ANKRD30B: variants seen among roughly 807,000 people sequenced by gnomAD.
ANKRD30B encodes ankyrin repeat domain-containing protein 30B.
In ANKRD30B, 144 loss-of-function variants were observed where a neutral mutation model predicts 202.2. That is an observed-to-expected ratio of 0.71 (90% CI 0.62 to 0.82). The LOEUF is 0.82. ANKRD30B is among the 40% of genes least tolerant of loss of function. ANKRD30B has a pLI of 0.00. For missense variants in ANKRD30B, 1,487 were observed against 1,669.1 expected, an observed-to-expected ratio of 0.89 and a Z score of 1.90; for synonymous variants, 508 against 561.3, an observed-to-expected ratio of 0.91 and a Z score of 1.34.
intron 36 of ANKRD30B, among the ~76,000 whole-genome samples, chr18:14,840,261 G>C (rs896652250): frequency 2.0e-5 from 3 of 152,154 alleles, no homozygotes; most frequent in African/African-American, 7.2e-5. Flanking sequence ...ATTGAGGCAG[G>C]CTGTGGTGGC....
intron 15 of ANKRD30B, among the ~76,000 whole-genome samples, chr18:14,790,881 G>T (rs575014590): frequency 6.6e-6 from 1 of 151,868 alleles, no homozygotes; most frequent in Non-Finnish European, 1.5e-5. Context: ...GCCTGGCTTT[G>T]GTATCAGGAT....
downstream of ANKRD30B, among the ~76,000 whole-genome samples, chr18:14,856,543 A>G (rs1598730068): frequency 9.1e-5 from 11 of 121,544 alleles, no homozygotes; most frequent in East Asian, 2.6e-4. Flanking sequence ...ATGGGCAGCC[A>G]GGCAGAGGCG....
In ANKRD30B at chr18:14,755,009, T is replaced by C. The variant is rs1201172374; in HGVS notation, c.617+4T>C. 6.9e-7 allele frequency: 1 copy of C among 1,444,232 alleles called. No individual in the cohort carries two copies. The highest frequency in any genetic ancestry group is 2.6e-5 in the East Asian group (1 of 38,434). 89.5% of individuals were successfully genotyped at this position (1,444,232 alleles called of 1,614,324 possible). A position where few individuals can be genotyped will look rare whatever the true frequency, so the allele number is the denominator to read the frequency against. On this transcript the variant is annotated splice_donor_region_variant and intron_variant, in intron 4 of 43. Transcript: ENST00000690538. Reference sequence around the variant, plus strand: ...ACGCATTTAATGAGTCTAAATGGTATGGTAGTTCTTTTTTTTTACTAAAAA... The same window carrying C: ...ACGCATTTAATGAGTCTAAATGGTACGGTAGTTCTTTTTTTTTACTAAAAA...
the ANKRD30B span, chr18:14,883,542 A>G: frequency 2.7e-5 from 4 of 149,436 alleles, no homozygotes; most frequent in African/African-American, 9.9e-5. Flanking sequence ...TTTAGGTCTT[A>G]TTCTCAGACG....
chr18:14,909,390 C>T, the ANKRD30B span, among the ~76,000 whole-genome samples: 2 of 152,094 alleles, frequency 1.3e-5, no homozygotes, highest in South Asian at 2.1e-4. Context: ...ATCCTCACCA[C>T]GATCTAATAA....
At chr18:14,926,625 A>G in the ANKRD30B span, among the ~76,000 whole-genome samples, 19 of 152,204 alleles carry the variant, frequency 1.2e-4, no homozygotes, top group Non-Finnish European at 2.4e-4. Context: ...AAATTTTAAC[A>G]TTTTATATTT....
chr18:14,758,679 C>T (rs567021231), intron 5 of ANKRD30B, among the ~76,000 whole-genome samples: 1 of 152,314 alleles, frequency 6.6e-6, no homozygotes, highest in South Asian at 2.1e-4. Flanking sequence ...CCACTCAAAA[C>T]CTGATGTGAA....
At chr18:14,793,677 G>A (rs1412990181) in intron 16 of ANKRD30B, among the ~76,000 whole-genome samples, 2 of 151,950 alleles carry the variant, frequency 1.3e-5, no homozygotes, top group Non-Finnish European at 2.9e-5. Flanking sequence ...GGCGGATCAC[G>A]AGGTCAGGAG....
chr18:14,787,006 C>T (rs753141443), intron 14 of ANKRD30B, 33 bp from the exon 15 acceptor site: 4 of 1,585,130 alleles, frequency 2.5e-6, no homozygotes, highest in African/African-American at 2.7e-5. Context: ...GAGAAATGTT[C>T]TCATGAATAC....
At chr18:14,839,167 G>A (rs1173663047) in intron 36 of ANKRD30B, among the ~76,000 whole-genome samples, 1 of 152,234 alleles carries the variant, frequency 6.6e-6, no homozygotes, top group African/African-American at 2.4e-5. Flanking sequence ...TTATGCTGCA[G>A]TAGTAGGAAG....
the ANKRD30B span, among the ~76,000 whole-genome samples, chr18:14,912,953 C>T: frequency 6.6e-6 from 1 of 152,206 alleles, no homozygotes. Flanking sequence ...TTTTTATTTT[C>T]TTCAGCTGTT....
chr18:14,896,596 G>A, the ANKRD30B span, among the ~76,000 whole-genome samples: 1 of 147,782 alleles, frequency 6.8e-6, no homozygotes, highest in Admixed American at 6.8e-5. Context: ...AGAACATATG[G>A]GATTTGTTAT....
At chr18:14,929,650 C>T in the ANKRD30B span, among the ~76,000 whole-genome samples, 5 of 152,156 alleles carry the variant, frequency 3.3e-5, no homozygotes, top group East Asian at 1.9e-4. Context: ...AATAAGTATT[C>T]GTTGAGGACT....
At chr18:14,794,949 T>A (rs10853251) in intron 16 of ANKRD30B, among the ~76,000 whole-genome samples, 2 of 152,320 alleles carry the variant, frequency 1.3e-5, no homozygotes, top group Admixed American at 1.3e-4. Context: ...ATATTTCTAT[T>A]TCAAAGAAAT....
chr18:14,796,033 T>G (rs1182980593), intron 16 of ANKRD30B, among the ~76,000 whole-genome samples, 188 bp from the exon 17 acceptor site: 1 of 152,164 alleles, frequency 6.6e-6, no homozygotes. Context: ...ATTTTTTAAG[T>G]TTTCTTAAGT....
the ANKRD30B span, among the ~76,000 whole-genome samples, chr18:14,921,182 TGTG>T: frequency 1.3e-5 from 2 of 151,780 alleles, no homozygotes; most frequent in African/African-American, 4.8e-5. Context: ...AACTGCCTGT[TGTG>T]GTGGGTGGAG....
At chr18:14,899,307 A>T in the ANKRD30B span, among the ~76,000 whole-genome samples, 1 of 152,108 alleles carries the variant, frequency 6.6e-6, no homozygotes, top group Non-Finnish European at 1.5e-5. Context: ...TGAAAAAATA[A>T]ATTTTAAAAT....
chr18:14,806,550 C>A (rs1969532684), intron 24 of ANKRD30B, among the ~76,000 whole-genome samples: 1 of 150,028 alleles, frequency 6.7e-6, no homozygotes, highest in African/African-American at 2.5e-5. Flanking sequence ...GTAGTATTTC[C>A]CTGCTTGCTT....
At chr18:14,909,582 A>G in the ANKRD30B span, among the ~76,000 whole-genome samples, 1 of 151,748 alleles carries the variant, frequency 6.6e-6, no homozygotes, top group Non-Finnish European at 1.5e-5. Context: ...ATTTTTTTGT[A>G]TTTTTAGTAC....
Sources: allele counts gnomAD v4.1 joint callset (sites outside exome capture counted in the v4.1 genomes callset), GRCh38; gene constraint gnomAD v4.1.1; transcripts MANE v1.5; gene names NCBI Gene and HGNC (gene_info 2026-07-23, HGNC 2026-07-21).